Variants in KLF12 observed in about 807,000 individuals in gnomAD.
KLF12 encodes the protein KLF transcription factor 12, also known as Krueppel-like factor 12.
A neutral mutation model predicts 37.8 loss-of-function variants in KLF12; 9 were observed. The ratio of observed to expected loss-of-function variants is 0.24; its 90% CI spans 0.14 to 0.42. The LOEUF is 0.42. KLF12 is among the 10% of genes least tolerant of loss of function. The probability of loss-of-function intolerance (pLI) is 1.00; values close to 1 mark genes in which losing one functional copy is unlikely to be tolerated. For synonymous variants in KLF12, 208 were observed against 202.1 expected (o/e 1.03, Z -0.25); for missense variants, 411 against 516.0 (o/e 0.80, Z 1.97).
chr13:73,853,149 G>C (rs1885425422), intron 3 of KLF12, among the ~76,000 whole-genome samples: 1 of 152,152 alleles, frequency 6.6e-6, no homozygotes, highest in Non-Finnish European at 1.5e-5. Flanking sequence ...TTACAGGCGT[G>C]AGCCTACATT....
At chr13:74,265,293 C>T in the KLF12 span, among the ~76,000 whole-genome samples, 61 of 152,260 alleles carry the variant, frequency 4.0e-4, no homozygotes, top group African/African-American at 1.3e-3. Flanking sequence ...ACTTAACCTC[C>T]AGAGGCCATT....
At chr13:74,045,853 C>T (rs1893529695) in intron 1 of KLF12, among the ~76,000 whole-genome samples, 4 of 152,210 alleles carry the variant, frequency 2.6e-5, no homozygotes, top group African/African-American at 9.7e-5. Context: ...CTGCCCTGCG[C>T]TCCAAGCTGC....
chr13:73,810,982 C>CT (rs376490803), intron 5 of KLF12, among the ~76,000 whole-genome samples: 1,145 of 44,926 alleles, frequency 0.025, 25 homozygotes, highest in Non-Finnish European at 0.037. Flanking sequence ...ATTTTTCTTT[C>CT]TTTTTTTTTT....
At chr13:74,278,057 T>A in the KLF12 span, among the ~76,000 whole-genome samples, 1 of 152,208 alleles carries the variant, frequency 6.6e-6, no homozygotes, top group Non-Finnish European at 1.5e-5. Flanking sequence ...GGTGCTGTTC[T>A]CTGGTCCTGA....
chr13:74,021,928 T>TG (rs1892850778), intron 1 of KLF12, among the ~76,000 whole-genome samples: 1 of 152,178 alleles, frequency 6.6e-6, no homozygotes, highest in Admixed American at 6.5e-5. Context: ...TCACCAATGA[T>TG]GAGGTCTCCC....
At chr13:73,783,758 T>C (rs1881130513) in intron 5 of KLF12, among the ~76,000 whole-genome samples, 1 of 152,178 alleles carries the variant, frequency 6.6e-6, no homozygotes, top group African/African-American at 2.4e-5. Flanking sequence ...GGAAATATCT[T>C]TGCACAATAT....
chr13:74,027,502 T>C (rs1893006624), intron 1 of KLF12, among the ~76,000 whole-genome samples: 1 of 152,166 alleles, frequency 6.6e-6, no homozygotes, highest in Non-Finnish European at 1.5e-5. Context: ...AAAAGCAAGC[T>C]AAGGAGGAAG....
chr13:73,918,075 C>T (rs1566458745), intron 3 of KLF12, among the ~76,000 whole-genome samples: 1 of 148,134 alleles, frequency 6.8e-6, no homozygotes, highest in Non-Finnish European at 1.5e-5. Context: ...TATACACCAA[C>T]ATCTACACAC....
intron 6 of KLF12, among the ~76,000 whole-genome samples, chr13:73,742,070 A>T (rs1837733283): frequency 6.6e-6 from 1 of 152,326 alleles, no homozygotes; most frequent in Admixed American, 6.5e-5. Flanking sequence ...CAACCTGCTG[A>T]GGAGTCTCTT....
At chr13:73,767,879 A>G (rs1238760276) in intron 5 of KLF12, among the ~76,000 whole-genome samples, 13 of 152,172 alleles carry the variant, frequency 8.5e-5, no homozygotes, top group Non-Finnish European at 1.5e-5. Flanking sequence ...TCTGGTTTTC[A>G]ATGTTTTCAT....
intron 1 of KLF12, among the ~76,000 whole-genome samples, chr13:74,027,537 T>C (rs1893007789): frequency 6.6e-6 from 1 of 152,150 alleles, no homozygotes; most frequent in African/African-American, 2.4e-5. Flanking sequence ...CCTTTAATAG[T>C]AAAACTCAAT....
At chr13:74,120,377 G>A (rs1176565367) in intron 1 of KLF12, among the ~76,000 whole-genome samples, 1 of 152,208 alleles carries the variant, frequency 6.6e-6, no homozygotes, top group African/African-American at 2.4e-5. Flanking sequence ...CTACTCAGGA[G>A]CGTGAGCCAT....
chr13:73,839,618 A>G (rs2138642319), intron 4 of KLF12, among the ~76,000 whole-genome samples: 1 of 152,220 alleles, frequency 6.6e-6, no homozygotes, highest in Middle Eastern at 3.4e-3. Context: ...TTTTACTTTT[A>G]TTTTTACTTG....
the KLF12 span, among the ~76,000 whole-genome samples, chr13:74,214,255 C>T: frequency 1.3e-5 from 2 of 151,608 alleles, no homozygotes; most frequent in African/African-American, 4.8e-5. Flanking sequence ...CCCCAGCCCA[C>T]CCCTAGCCCT....
chr13:73,750,866 T>A (rs1258102723), intron 6 of KLF12, among the ~76,000 whole-genome samples: 1 of 152,182 alleles, frequency 6.6e-6, no homozygotes, highest in Non-Finnish European at 1.5e-5. Flanking sequence ...TCAGTGTGGC[T>A]GAAATTTAGG....
chr13:73,688,853 T>C lies in KLF12; in HGVS notation c.*6637A>G, dbSNP rs1873653279. The stretch of plus-strand genomic sequence containing the variant: ...GGTTTCGGGACACCCACGTGCAGTG[T>C]GGTGGAGTGGGAAAGATACAGGCAG... On this transcript the variant is annotated 3_prime_UTR_variant, in exon 8 of 8. Coordinates refer to ENST00000377669, the MANE Select transcript of KLF12 (RefSeq NM_007249.5). 1.3e-5 allele frequency: 2 copies of C among 152,008 alleles called. No individual in the cohort carries two copies. 9.4% of individuals were successfully genotyped at this position (152,008 alleles called of 1,614,324 possible). A position where few individuals can be genotyped will look rare whatever the true frequency, so the allele number is the denominator to read the frequency against.
At chr13:74,182,215 C>A in the KLF12 span, among the ~76,000 whole-genome samples, 3 of 152,094 alleles carry the variant, frequency 2.0e-5, no homozygotes, top group African/African-American at 4.8e-5. Context: ...CAATTCACTG[C>A]GTTAGGAAGG....
chr13:74,137,648 A>G (rs1328899532), upstream of KLF12, among the ~76,000 whole-genome samples: 5 of 152,240 alleles, frequency 3.3e-5, no homozygotes, highest in African/African-American at 1.2e-4. Flanking sequence ...TGTAAAAGTA[A>G]GTGTTACCTG....
chr13:74,134,429 A>C (rs1040302933), upstream of KLF12, among the ~76,000 whole-genome samples: 25 of 151,682 alleles, frequency 1.6e-4, no homozygotes, highest in Non-Finnish European at 3.4e-4. Context: ...CCTGTGGGAA[A>C]CTAACCCCTC....
Sources: gnomAD v4.1 joint callset for allele counts (sites outside exome capture counted in the v4.1 genomes callset) on GRCh38, gnomAD v4.1.1 for gene constraint, MANE v1.5 for transcripts, NCBI Gene and HGNC (gene_info 2026-07-23, HGNC 2026-07-21) for gene names.